The following TAFA5 variants were observed in gnomAD, a reference collection of about 807,000 sequenced individuals.
TAFA5 encodes chemokine-like protein TAFA-5.
Under a neutral mutation model 15.3 loss-of-function variants are expected in TAFA5, and 6 were observed. The ratio of observed to expected loss-of-function variants is 0.39; its 90% CI spans 0.21 to 0.77. The LOEUF (loss-of-function observed/expected upper bound fraction) is 0.77. TAFA5 is among the 30% of genes least tolerant of loss of function. TAFA5 has a pLI of 0.41. For synonymous variants in TAFA5, 103 were observed against 80.7 expected (o/e 1.28, Z -1.48); for missense variants, 161 against 193.1 (o/e 0.83, Z 0.98).
In TAFA5 at chr22:48,560,919, T is replaced by C. The variant is rs906923714; in HGVS notation, c.112+71215T>C. ...GCCACCACGCCTGGCCTCACAGTTGTCTTTAAAGTGGCTTTTGTTTGGCTC... is the reference window on the plus strand; with the variant it reads ...GCCACCACGCCTGGCCTCACAGTTGCCTTTAAAGTGGCTTTTGTTTGGCTC... On this transcript the variant is annotated intron_variant, in intron 1 of 3. Coordinates refer to ENST00000402357, the MANE Select transcript of TAFA5 (RefSeq NM_001082967.3). The surrounding 1 kb of genome is among the most constrained non-coding windows in gnomAD (Gnocchi z 4.2). Among the ~76,000 whole-genome samples the C allele has an allele frequency of 6.6e-6, 1 of 152,140 alleles. No homozygotes were observed. The highest frequency in any genetic ancestry group is 2.4e-5 in the African/African-American group (1 of 41,436).
chr22:48,525,073 C>T (rs531120796), intron 1 of TAFA5, among the ~76,000 whole-genome samples: 1 of 152,294 alleles, frequency 6.6e-6, no homozygotes, highest in African/African-American at 2.4e-5. Flanking sequence ...CCTGCCTCCC[C>T]TCAACTTACC....
intron 1 of TAFA5, among the ~76,000 whole-genome samples, chr22:48,500,971 G>A (rs1231505907): frequency 6.6e-6 from 1 of 152,108 alleles, no homozygotes; most frequent in East Asian, 1.9e-4. Flanking sequence ...ATCTCCCGCT[G>A]ACTGCCCAAG....
intron 3 of TAFA5, among the ~76,000 whole-genome samples, chr22:48,722,528 A>T (rs1929599343): frequency 1.4e-5 from 2 of 148,060 alleles, no homozygotes; most frequent in South Asian, 2.3e-4. Flanking sequence ...GGACACAGGG[A>T]GGGGAACATC....
chr22:48,503,090 G>A (rs1442666218), intron 1 of TAFA5, among the ~76,000 whole-genome samples: 1 of 152,152 alleles, frequency 6.6e-6, no homozygotes, highest in Non-Finnish European at 1.5e-5. Context: ...GCTCATTTTC[G>A]GGGTTCTGTG....
chr22:48,626,232 T>C (rs1926022044), intron 1 of TAFA5, among the ~76,000 whole-genome samples: 1 of 152,216 alleles, frequency 6.6e-6, no homozygotes, highest in Non-Finnish European at 1.5e-5. Flanking sequence ...TTTGGGATCG[T>C]ATGGTAAGAG....
intron 1 of TAFA5, among the ~76,000 whole-genome samples, chr22:48,584,042 A>G (rs1924221716): frequency 6.8e-6 from 1 of 147,772 alleles, no homozygotes; most frequent in Non-Finnish European, 1.5e-5. Context: ...CACACACAAA[A>G]TACACCACAT....
At chr22:48,729,722 T>G (rs1929815608) in intron 3 of TAFA5, among the ~76,000 whole-genome samples, 1 of 147,144 alleles carries the variant, frequency 6.8e-6, no homozygotes, top group Admixed American at 6.8e-5. Context: ...AAATATAAAT[T>G]TAAATATAAA....
At chr22:48,714,880 A>G (rs896431625) in intron 3 of TAFA5, among the ~76,000 whole-genome samples, 14 of 152,316 alleles carry the variant, frequency 9.2e-5, no homozygotes, top group African/African-American at 3.4e-4. Flanking sequence ...TTTGCCTCTC[A>G]TAGCTTCTGG....
chr22:48,651,243 C>T (rs1309687492), intron 2 of TAFA5, among the ~76,000 whole-genome samples: 5 of 152,184 alleles, frequency 3.3e-5, no homozygotes. Context: ...CCTCAAGTCT[C>T]GGTCGTGGGC....
chr22:48,579,364 C>G (rs1923945915), intron 1 of TAFA5, among the ~76,000 whole-genome samples: 1 of 152,210 alleles, frequency 6.6e-6, no homozygotes, highest in Admixed American at 6.5e-5. Flanking sequence ...GCCTTGTCAT[C>G]CTTAGGACAC....
chr22:48,693,494 C>T, intron 2 of TAFA5: 1 of 1,553,200 alleles, frequency 6.4e-7, no homozygotes, highest in Non-Finnish European at 8.7e-7. Flanking sequence ...GAAGCATAGC[C>T]TGAGGTCCCA....
chr22:48,633,470 C>G (rs1430929478), intron 1 of TAFA5, among the ~76,000 whole-genome samples: 2 of 152,144 alleles, frequency 1.3e-5, no homozygotes, highest in Non-Finnish European at 2.9e-5. Context: ...ACCTCCCTCT[C>G]TCTCGAGCTC....
intron 1 of TAFA5, among the ~76,000 whole-genome samples, chr22:48,572,352 G>T (rs994319914): frequency 6.6e-6 from 1 of 152,238 alleles, no homozygotes; most frequent in Non-Finnish European, 1.5e-5. Flanking sequence ...CTGGGAATGA[G>T]CAAGGTGTGT....
intron 3 of TAFA5, among the ~76,000 whole-genome samples, chr22:48,748,406 G>A (rs1930389380): frequency 6.6e-6 from 1 of 152,204 alleles, no homozygotes; most frequent in African/African-American, 2.4e-5. Context: ...GTGCAGTGAG[G>A]AGACACACCA....
chr22:48,565,215 G>A (rs1197519573), intron 1 of TAFA5, among the ~76,000 whole-genome samples: 1 of 152,208 alleles, frequency 6.6e-6, no homozygotes, highest in Non-Finnish European at 1.5e-5. Context: ...CCACTGTCAC[G>A]GCCAAGTGCT....
intron 2 of TAFA5, among the ~76,000 whole-genome samples, chr22:48,670,526 C>A (rs1447670632): frequency 6.6e-6 from 1 of 152,234 alleles, no homozygotes; most frequent in Non-Finnish European, 1.5e-5. Flanking sequence ...CAGCCCCACT[C>A]CCGGCCCCGC....
intron 3 of TAFA5, 84 bp downstream of exon 3, chr22:48,707,928 G>T: frequency 6.5e-7 from 1 of 1,529,286 alleles, no homozygotes; most frequent in Non-Finnish European, 8.8e-7. Context: ...GGCTCCGCGG[G>T]GACAGGTGGC....
chr22:48,638,633 A>G lies in TAFA5; in HGVS notation c.113-7964A>G, dbSNP rs1019355344. On this transcript the variant is annotated intron_variant, in intron 1 of 3. Coordinates refer to ENST00000402357, the MANE Select transcript of TAFA5 (RefSeq NM_001082967.3). ...CCCTGACACTAAGCCACACATAGGCAACAACCCCCCCCACACACTAAGCCC... is the reference window on the plus strand; with the variant it reads ...CCCTGACACTAAGCCACACATAGGCGACAACCCCCCCCACACACTAAGCCC... 9.5e-5 allele frequency among the ~76,000 whole-genome samples: 12 copies of G among 126,340 alleles called. 1 individual carries two copies. The highest frequency in any genetic ancestry group is 3.7e-4 in the African/African-American group (12 of 32,458). The allele number at this position is 126,340 out of a possible 152,430, so 82.9% of individuals were successfully genotyped here. A position where few individuals can be genotyped will look rare whatever the true frequency, so the allele number is the denominator to read the frequency against.
At chr22:48,658,534 A>G (rs531333536) in intron 2 of TAFA5, among the ~76,000 whole-genome samples, 31 of 152,338 alleles carry the variant, frequency 2.0e-4, no homozygotes, top group African/African-American at 6.5e-4. Context: ...CGGCAGGTTC[A>G]GGGCTGGCCT....
Sources: gnomAD v4.1 joint callset for allele counts (sites outside exome capture counted in the v4.1 genomes callset) on GRCh38, gnomAD v4.1.1 for gene constraint, Gnocchi (gnomAD v3.1) non-coding constraint, MANE v1.5 for transcripts, NCBI Gene and HGNC (gene_info 2026-07-23, HGNC 2026-07-21) for gene names.